The following PRKAR2B variants were observed in gnomAD, a reference collection of about 807,000 sequenced individuals.
PRKAR2B encodes the protein protein kinase cAMP-dependent type II regulatory subunit beta, also known as cAMP-dependent protein kinase type II-beta regulatory subunit.
PRKAR2B carries 14 observed loss-of-function variants against 49.9 expected under a neutral mutation model. That is an observed-to-expected ratio of 0.28 (90% CI 0.19 to 0.44). The LOEUF (loss-of-function observed/expected upper bound fraction) is 0.44. Among genes scored for constraint, PRKAR2B ranks in the 20% least tolerant of loss-of-function variants. The pLI, the probability that PRKAR2B is intolerant of heterozygous loss-of-function variation, is 1.00. For missense variants in PRKAR2B, 393 were observed against 537.9 expected (o/e 0.73, Z 2.67); for synonymous variants, 196 against 197.7 (o/e 0.99, Z 0.07).
intron 4 of PRKAR2B, among the ~76,000 whole-genome samples, chr7:107,137,057 T>C (rs1795712826): frequency 6.6e-6 from 1 of 152,354 alleles, no homozygotes; most frequent in South Asian, 2.1e-4. Context: ...GGAAAGGCTA[T>C]GTGCTGCATG....
chr7:107,077,087 G>T (rs894674857), intron 2 of PRKAR2B: 3 of 152,016 alleles, frequency 2.0e-5, no homozygotes, highest in African/African-American at 7.2e-5. Context: ...TTTTCCAGAG[G>T]TCATTTCTAT....
intron 1 of PRKAR2B, among the ~76,000 whole-genome samples, chr7:107,051,229 G>C (rs781156775): frequency 3.3e-5 from 5 of 152,150 alleles, no homozygotes; most frequent in Admixed American, 6.5e-5. Flanking sequence ...TGATTGATAA[G>C]GTTTAAAAGG....
At chr7:107,120,263 G>T (rs999651529) in intron 2 of PRKAR2B, among the ~76,000 whole-genome samples, 2 of 152,122 alleles carry the variant, frequency 1.3e-5, no homozygotes, top group Non-Finnish European at 2.9e-5. Flanking sequence ...GTACCCAGTA[G>T]ATGCTAGTGG....
At chr7:107,087,103 GTA>G (rs1306826437) in intron 2 of PRKAR2B, among the ~76,000 whole-genome samples, 2 of 151,976 alleles carry the variant, frequency 1.3e-5, no homozygotes, top group African/African-American at 4.8e-5. Flanking sequence ...CTCTGAAATA[GTA>G]TATTATTTTG....
chr7:107,126,420 C>CAAAAAAAAAAGAAAAAAAAAAAAAAAAA (rs1795494325), intron 3 of PRKAR2B, among the ~76,000 whole-genome samples: 1 of 38,392 alleles, frequency 2.6e-5, no homozygotes, highest in Non-Finnish European at 5.2e-5. Flanking sequence ...GAATCTGTCT[C>CAAAAAAAAAAGAAAAAAAAAAAAAAAAA]AAAAAAAAAA....
intron 4 of PRKAR2B, 32 bp from the exon 5 acceptor site, chr7:107,140,815 T>G (rs1795778688): frequency 6.8e-7 from 1 of 1,481,138 alleles, no homozygotes; most frequent in Non-Finnish European, 9.3e-7. Flanking sequence ...TAGATAAACA[T>G]AAAGATTATA....
At chr7:107,060,021 T>TTTA (rs1793995192) in intron 1 of PRKAR2B, among the ~76,000 whole-genome samples, 1 of 150,434 alleles carries the variant, frequency 6.6e-6, no homozygotes, top group Admixed American at 6.7e-5. Context: ...ACAAAGTCAT[T>TTTA]CTAAATTTTA....
chr7:107,132,533 T>G (rs1311876751), intron 4 of PRKAR2B, among the ~76,000 whole-genome samples: 1 of 151,698 alleles, frequency 6.6e-6, no homozygotes, highest in Non-Finnish European at 1.5e-5. Context: ...GGGCCTGAAC[T>G]CCAGGGAAGG....
intron 4 of PRKAR2B, among the ~76,000 whole-genome samples, chr7:107,130,168 T>C (rs1795578905): frequency 6.6e-6 from 1 of 152,194 alleles, no homozygotes; most frequent in Admixed American, 6.5e-5. Flanking sequence ...TGTAATAAAA[T>C]GATGGTGTTT....
chr7:107,115,650 G>A (rs1795258719), intron 2 of PRKAR2B, among the ~76,000 whole-genome samples: 1 of 152,050 alleles, frequency 6.6e-6, no homozygotes, highest in African/African-American at 2.4e-5. Context: ...TTTGCCTTAA[G>A]CCAGAGAAAG....
intron 4 of PRKAR2B, among the ~76,000 whole-genome samples, chr7:107,136,509 A>C (rs929442791): frequency 2.0e-5 from 3 of 152,186 alleles, no homozygotes; most frequent in Admixed American, 2.0e-4. Flanking sequence ...ATGTTAACAG[A>C]CACCTCACTG....
intron 2 of PRKAR2B, among the ~76,000 whole-genome samples, chr7:107,070,914 A>G (rs1794253450): frequency 6.6e-6 from 1 of 152,232 alleles, no homozygotes; most frequent in Admixed American, 6.5e-5. Flanking sequence ...ACCCTAATGT[A>G]GTCAGCATGA....
At chr7:107,073,166 A>G (rs761570630) in intron 2 of PRKAR2B, among the ~76,000 whole-genome samples, 3 of 152,234 alleles carry the variant, frequency 2.0e-5, no homozygotes, top group Non-Finnish European at 2.9e-5. Flanking sequence ...TAAATATTTC[A>G]AACCTGAATA....
At chr7:107,068,867 A>G (rs1336358034) in intron 1 of PRKAR2B, 3 of 152,184 alleles carry the variant, frequency 2.0e-5, no homozygotes, top group Non-Finnish European at 4.4e-5. Context: ...TGACTGTGTG[A>G]TCTAAAACAA....
chr7:107,072,148 A>G (rs1034772141), intron 2 of PRKAR2B, among the ~76,000 whole-genome samples: 1 of 151,226 alleles, frequency 6.6e-6, no homozygotes, highest in African/African-American at 2.4e-5. Flanking sequence ...AATACCACAA[A>G]GAAATACACA....
intron 7 of PRKAR2B, among the ~76,000 whole-genome samples, chr7:107,152,161 GC>G: frequency 6.6e-6 from 1 of 152,262 alleles, no homozygotes; most frequent in African/African-American, 2.4e-5. Flanking sequence ...CTCTTGCCTG[GC>G]TAATTGCAGA....
At chr7:107,093,919 C>T (rs1003682056) in intron 2 of PRKAR2B, among the ~76,000 whole-genome samples, 1 of 152,160 alleles carries the variant, frequency 6.6e-6, no homozygotes, top group African/African-American at 2.4e-5. Context: ...TACTGATGGA[C>T]ATTTGGGTTG....
At chr7:107,146,190 C>T (rs1480975348) in intron 5 of PRKAR2B, 118 bp from the exon 6 acceptor site, 9 of 1,008,860 alleles carry the variant, frequency 8.9e-6, no homozygotes, top group East Asian at 2.6e-5. Flanking sequence ...TTATTGTCAT[C>T]GGAGGGGATA....
intron 2 of PRKAR2B, chr7:107,077,839 T>C (rs1349928215): frequency 6.6e-6 from 1 of 152,136 alleles, no homozygotes; most frequent in Non-Finnish European, 1.5e-5. Context: ...TTTCTCTGGG[T>C]ATAAAATGGG....
Sources: gnomAD v4.1 joint callset for allele counts (sites outside exome capture counted in the v4.1 genomes callset) on GRCh38, gnomAD v4.1.1 for gene constraint, MANE v1.5 for transcripts, NCBI Gene and HGNC (gene_info 2026-07-23, HGNC 2026-07-21) for gene names.